The following TANGO2 variants were observed in gnomAD, a reference collection of about 807,000 sequenced individuals.
TANGO2 encodes the protein transport and Golgi organization protein 2 homolog.
In TANGO2, 26 loss-of-function variants were observed where a neutral mutation model predicts 39.1. The ratio of observed to expected loss-of-function variants is 0.67; its 90% CI spans 0.49 to 0.92. The LOEUF is 0.92. Ranked by LOEUF, TANGO2 falls within the 40% of genes least tolerant of loss-of-function variation. The pLI is 0.00. For synonymous variants in TANGO2, 131 were observed against 144.5 expected (o/e 0.91, Z 0.67); for missense variants, 326 against 360.1 (o/e 0.91, Z 0.77).
At chr22:20,062,556 C>A (rs1007577167) in intron 7 of TANGO2, among the ~76,000 whole-genome samples, 9 of 152,266 alleles carry the variant, frequency 5.9e-5, no homozygotes, top group African/African-American at 2.2e-4. Context: ...CTGGGCATGC[C>A]CAGCAGCCCC....
chr22:20,063,165 A>T (rs373194075), intron 7 of TANGO2, 173 bp from the exon 8 acceptor site: 1 of 576,074 alleles, frequency 1.7e-6, no homozygotes, highest in South Asian at 2.3e-5. Context: ...TCAAAAAAAG[A>T]AAATAAGAGA....
chr22:20,017,315 T>C (rs1202957377), upstream of TANGO2: 1 of 152,244 alleles, frequency 6.6e-6, no homozygotes, highest in Admixed American at 6.5e-5. Flanking sequence ...ATTTTACAGT[T>C]GGGAAACAGC....
chr22:20,017,544 C>T (rs1185938759), upstream of TANGO2, among the ~76,000 whole-genome samples: 1 of 152,170 alleles, frequency 6.6e-6, no homozygotes, highest in Non-Finnish European at 1.5e-5. Flanking sequence ...ACCCTGCAGG[C>T]CCCCCATGGG....
At chr22:20,055,466 G>A (rs1411387069) in intron 5 of TANGO2, 1 of 221,956 alleles carries the variant, frequency 4.5e-6, no homozygotes, top group Admixed American at 5.2e-5. Flanking sequence ...CTTAACACTT[G>A]AGAGTAGGAA....
intron 1 of TANGO2, among the ~76,000 whole-genome samples, chr22:20,023,123 GT>G (rs1227680130): frequency 1.3e-5 from 2 of 152,186 alleles, no homozygotes; most frequent in African/African-American, 4.8e-5. Flanking sequence ...TGCAAAAATA[GT>G]TTATGCATGC....
chr22:20,023,182 G>C (rs1452865378), intron 1 of TANGO2, among the ~76,000 whole-genome samples: 4 of 152,194 alleles, frequency 2.6e-5, no homozygotes, highest in Admixed American at 2.6e-4. Context: ...CTGCTCCCCT[G>C]GTGCACTTGC....
chr22:20,036,945 G>A, intron 2 of TANGO2, 91 bp downstream of exon 2: 2 of 1,613,750 alleles, frequency 1.2e-6, no homozygotes, highest in Non-Finnish European at 1.7e-6. Flanking sequence ...GTGCAGGAAG[G>A]TGTGTGGGCC....
Position 20,053,465 on chromosome 22 carries a change from T to C in TANGO2, c.294T>C (p.Thr98=). The C allele has an allele frequency of 6.2e-7, 1 of 1,613,668 alleles. No homozygotes were observed. The highest frequency in any genetic ancestry group is 8.5e-7 in the Non-Finnish European group (1 of 1,179,576). ...AACTTGTCACCCACTTTCTGACCAC[T>C]GACGTGGACAGCTTGTCCTACCTGA... ...RGELVTHFLT[T]DVDSLSYLKK... Residue 98 remains threonine (T), a synonymous_variant, in exon 5 of 9, where the codon ACT becomes ACC. Transcript: ENST00000327374.
intron 1 of TANGO2, among the ~76,000 whole-genome samples, chr22:20,036,212 C>T (rs902677046): frequency 6.6e-5 from 10 of 152,090 alleles, no homozygotes; most frequent in Admixed American, 5.2e-4. Flanking sequence ...AGGCGACGTC[C>T]GGGAAAATTG....
At chr22:20,061,501 C>T (rs768803336) in intron 6 of TANGO2, 29 bp from the exon 7 acceptor site, 10 of 1,582,338 alleles carry the variant, frequency 6.3e-6, no homozygotes, top group Admixed American at 1.8e-5. Flanking sequence ...AGCAGGGCCT[C>T]TGCATGGCCC....
At chr22:20,042,888 A>G (rs894931071) in intron 2 of TANGO2, among the ~76,000 whole-genome samples, 2 of 152,154 alleles carry the variant, frequency 1.3e-5, no homozygotes, top group African/African-American at 4.8e-5. Flanking sequence ...AACACACAGA[A>G]TGGAGCAGCC....
intron 6 of TANGO2, among the ~76,000 whole-genome samples, chr22:20,059,493 C>G (rs2047974974): frequency 6.6e-6 from 1 of 152,200 alleles, no homozygotes; most frequent in African/African-American, 2.4e-5. Context: ...ATTATACATT[C>G]CCACCAGCAG....
At position 20,055,788 on chromosome 22, in the gene TANGO2, A is replaced by G; in HGVS notation, c.381-155A>G. ...GCCTCCATGACCCCGCCTGCCAGGC[A>G]CCTGAGGGGCTGGGTCCTGCAAGCT... On this transcript the variant is annotated intron_variant, in intron 5 of 8. Transcript: ENST00000327374. The G allele has an allele frequency of 4.5e-6, 3 of 662,472 alleles. No homozygotes were observed. The South Asian group carries it at 5.2e-5, about 11-fold the overall frequency. 41.0% of individuals were successfully genotyped at this position (662,472 alleles called of 1,614,324 possible).
At chr22:20,036,585 G>A (rs2042892986) in intron 1 of TANGO2, among the ~76,000 whole-genome samples, 175 bp from the exon 2 acceptor site, 2 of 152,182 alleles carry the variant, frequency 1.3e-5, no homozygotes, top group Admixed American at 6.5e-5. Context: ...GAGTGCATGG[G>A]TTTGGGAGTT....
At position 20,021,257 on chromosome 22, in the gene TANGO2, T is replaced by A. The variant is rs1195413979; in HGVS notation, c.-40+11T>A. The A allele has an allele frequency of 6.6e-6, 1 of 152,390 alleles. No homozygotes were observed. The highest frequency in any genetic ancestry group is 1.5e-5 in the Non-Finnish European group (1 of 68,208). The allele number at this position is 152,390 out of a possible 1,614,324, so 9.4% of individuals were successfully genotyped here. On this transcript the variant is annotated intron_variant, in intron 1 of 8. Transcript: ENST00000327374. ...CCAGGCTGCTTGAAGGTGGGTGGGC[T>A]GGCCGCACTTCCTCACCCTGCCTCA... is the stretch of plus-strand genomic sequence containing the variant.
At chr22:20,025,983 G>A (rs2040663225) in intron 1 of TANGO2, among the ~76,000 whole-genome samples, 1 of 152,256 alleles carries the variant, frequency 6.6e-6, no homozygotes, top group South Asian at 2.1e-4. Context: ...AGTCCAGGAT[G>A]TGGCTGAGGT....
intron 5 of TANGO2, chr22:20,055,680 G>A (rs778496372): frequency 3.2e-5 from 18 of 559,646 alleles, no homozygotes; most frequent in Non-Finnish European, 5.5e-5. Flanking sequence ...ATGGCAGGAG[G>A]GCATTTTAGA....
intron 8 of TANGO2, 52 bp downstream of exon 8, chr22:20,063,494 C>A: frequency 6.6e-7 from 1 of 1,504,056 alleles, no homozygotes; most frequent in Non-Finnish European, 9.1e-7. Flanking sequence ...CCACCTCCCA[C>A]GCTAGAGGGC....
intron 3 of TANGO2, among the ~76,000 whole-genome samples, chr22:20,052,084 A>G (rs1237920112): frequency 6.6e-6 from 1 of 152,162 alleles, no homozygotes; most frequent in Admixed American, 6.5e-5. Flanking sequence ...GGCCTGGTGC[A>G]TCCTGCTGGG....
Sources: allele counts gnomAD v4.1 joint callset (sites outside exome capture counted in the v4.1 genomes callset), GRCh38; gene constraint gnomAD v4.1.1; transcripts MANE v1.5; gene names NCBI Gene and HGNC (gene_info 2026-07-23, HGNC 2026-07-21).